Variants in NEGR1 observed in about 807,000 individuals in gnomAD.
NEGR1 encodes neuronal growth regulator 1, also known as IgLON family member 4.
In NEGR1, 10 loss-of-function variants were observed where a neutral mutation model predicts 40.9. The observed-to-expected ratio is 0.24, with a 90% CI of 0.15 to 0.42. NEGR1 has a LOEUF of 0.42. Ranked by LOEUF, NEGR1 falls within the 10% of genes least tolerant of loss-of-function variation. NEGR1 has a pLI of 1.00. For synonymous variants in NEGR1, 185 were observed against 166.8 expected, an observed-to-expected ratio of 1.11 and a Z score of -0.84; for missense variants, 352 against 438.9, an observed-to-expected ratio of 0.80 and a Z score of 1.77.
At chr1:71,702,468 G>T (rs1409216323) in intron 3 of NEGR1, among the ~76,000 whole-genome samples, 1 of 151,908 alleles carries the variant, frequency 6.6e-6, no homozygotes, top group East Asian at 1.9e-4. Context: ...AGTGACTCTG[G>T]AGCTATAAAG....
chr1:72,002,316 TA>T (rs561596268), intron 1 of NEGR1, among the ~76,000 whole-genome samples: 36 of 152,078 alleles, frequency 2.4e-4, no homozygotes, highest in East Asian at 1.2e-3. Context: ...TGTTATAAAA[TA>T]AAAAAAATTC....
chr1:71,430,793 G>A (rs1390824217), intron 6 of NEGR1, among the ~76,000 whole-genome samples: 1 of 135,478 alleles, frequency 7.4e-6, no homozygotes, highest in Admixed American at 8.6e-5. Flanking sequence ...TGCAAGCTCC[G>A]CCTCCCGAGT....
intron 1 of NEGR1, among the ~76,000 whole-genome samples, chr1:71,944,518 C>T (rs549506521): frequency 6.6e-6 from 1 of 152,170 alleles, no homozygotes; most frequent in Admixed American, 6.5e-5. Flanking sequence ...GTGTTGAAGT[C>T]ATTAAAAGTA....
intron 2 of NEGR1, among the ~76,000 whole-genome samples, chr1:71,846,586 T>C (rs1035655547): frequency 8.5e-5 from 13 of 152,188 alleles, no homozygotes; most frequent in African/African-American, 3.1e-4. Context: ...TATTACTTTC[T>C]AGCTGTTCTC....
intron 6 of NEGR1, among the ~76,000 whole-genome samples, chr1:71,469,467 G>C (rs137866151): frequency 1.8e-4 from 28 of 152,112 alleles, no homozygotes; most frequent in African/African-American, 6.7e-4. Flanking sequence ...AACTTTTTGA[G>C]AAAAGAAAAT....
intron 6 of NEGR1, among the ~76,000 whole-genome samples, chr1:71,567,492 G>A (rs900296444): frequency 6.6e-6 from 1 of 151,964 alleles, no homozygotes; most frequent in African/African-American, 2.4e-5. Context: ...GCATTTACTA[G>A]CAGTGGTTAT....
rs138299868 is a variant in NEGR1, at chr1:72,120,887, T to C, written c.176+161432A>G. On this transcript the variant is annotated intron_variant, in intron 1 of 6. Coordinates refer to ENST00000357731, the MANE Select transcript of NEGR1 (RefSeq NM_173808.3). ...GCTGCATTATTTAAAATAACTTGCTTTCACATACAATGTTGTCATATAAAA... is the reference window on the plus strand; with the variant it reads ...GCTGCATTATTTAAAATAACTTGCTCTCACATACAATGTTGTCATATAAAA... Among the ~76,000 whole-genome samples, 561 of 152,180 alleles carry C rather than the reference T, an allele frequency of 3.7e-3. 5 individuals carry two copies. The highest frequency in any genetic ancestry group is 0.013 in the African/African-American group (534 of 41,524).
chr1:72,016,241 C>G (rs1440070225), intron 1 of NEGR1, among the ~76,000 whole-genome samples: 1 of 151,984 alleles, frequency 6.6e-6, no homozygotes, highest in Non-Finnish European at 1.5e-5. Flanking sequence ...GTAAGAGGAA[C>G]CTGACATTTT....
chr1:71,743,875 T>C (rs975890355), intron 3 of NEGR1, among the ~76,000 whole-genome samples: 1 of 152,200 alleles, frequency 6.6e-6, no homozygotes, highest in East Asian at 1.9e-4. Context: ...CTGCACTCTT[T>C]GCTCCTCTTC....
In NEGR1 at chr1:71,831,805, GA is replaced by G. The variant is rs10552883; in HGVS notation, c.410-55509del. On this transcript the variant is annotated intron_variant, in intron 2 of 6. Coordinates refer to ENST00000357731, the MANE Select transcript of NEGR1 (RefSeq NM_173808.3). ...AGGATATTTTGGGCTGAGACAAAAA[GA>G]AAAAAAAAAAACGCAATGAGGCAAG... 8.4e-3 allele frequency among the ~76,000 whole-genome samples: 1,243 copies of G among 147,768 alleles called. 21 individuals carry two copies. The highest frequency in any genetic ancestry group is 0.028 in the African/African-American group (1,146 of 40,236).
intron 2 of NEGR1, among the ~76,000 whole-genome samples, chr1:71,801,719 C>T (rs1415038866): frequency 3.9e-5 from 6 of 152,170 alleles, no homozygotes; most frequent in Non-Finnish European, 8.8e-5. Flanking sequence ...GTTCTCAACA[C>T]AGAAGTCATA....
chr1:71,648,006 G>A (rs1398059897), intron 4 of NEGR1, among the ~76,000 whole-genome samples: 1 of 151,962 alleles, frequency 6.6e-6, no homozygotes, highest in Non-Finnish European at 1.5e-5. Flanking sequence ...GAAAAGCAAT[G>A]GAGGACACTT....
At chr1:71,971,757 C>T (rs777350790) in intron 1 of NEGR1, among the ~76,000 whole-genome samples, 6 of 152,168 alleles carry the variant, frequency 3.9e-5, no homozygotes, top group Middle Eastern at 3.4e-3. Context: ...TATTTTCAGT[C>T]GTTAATCAAA....
intron 1 of NEGR1, among the ~76,000 whole-genome samples, chr1:72,068,715 A>C (rs1390752886): frequency 6.6e-6 from 1 of 152,206 alleles, no homozygotes; most frequent in Admixed American, 6.6e-5. Context: ...AATATAATAG[A>C]GTACCAGCTA....
chr1:72,044,569 A>G (rs185084123), intron 1 of NEGR1, among the ~76,000 whole-genome samples: 40 of 151,906 alleles, frequency 2.6e-4, no homozygotes, highest in Middle Eastern at 3.4e-3. Flanking sequence ...GCTAAGCACA[A>G]TTAGATTGGA....
At chr1:71,871,695 A>C (rs1273573025) in intron 2 of NEGR1, among the ~76,000 whole-genome samples, 1 of 152,202 alleles carries the variant, frequency 6.6e-6, no homozygotes, top group Non-Finnish European at 1.5e-5. Flanking sequence ...AGTTTAAATC[A>C]AATTGTTTTC....
At chr1:71,456,242 G>T (rs1646671731) in intron 6 of NEGR1, among the ~76,000 whole-genome samples, 1 of 152,042 alleles carries the variant, frequency 6.6e-6, no homozygotes, top group Non-Finnish European at 1.5e-5. Flanking sequence ...TTACAGTAAG[G>T]GCACTTTAAA....
intron 2 of NEGR1, among the ~76,000 whole-genome samples, chr1:71,933,377 T>C (rs1228814753): frequency 6.6e-6 from 1 of 152,056 alleles, no homozygotes; most frequent in Non-Finnish European, 1.5e-5. Flanking sequence ...AAATGGAATA[T>C]ATTTATTCTT....
chr1:71,905,222 A>T (rs1661243537), intron 2 of NEGR1, among the ~76,000 whole-genome samples: 1 of 151,904 alleles, frequency 6.6e-6, no homozygotes, highest in Non-Finnish European at 1.5e-5. Context: ...AAATAAGCTA[A>T]TTTTTTTCTT....
Sources: gnomAD v4.1 joint callset for allele counts (sites outside exome capture counted in the v4.1 genomes callset) on GRCh38, gnomAD v4.1.1 for gene constraint, MANE v1.5 for transcripts, NCBI Gene and HGNC (gene_info 2026-07-23, HGNC 2026-07-21) for gene names.